WDR7: variants seen among roughly 807,000 people sequenced by gnomAD.
The protein encoded by WDR7 is WD repeat domain 7.
Under a neutral mutation model 169.4 loss-of-function variants are expected in WDR7, and 46 were observed. The ratio of observed to expected loss-of-function variants is 0.27; its 90% CI spans 0.21 to 0.35. WDR7 has a LOEUF of 0.35. Among genes scored for constraint, WDR7 ranks in the 10% least tolerant of loss-of-function variants. The probability of loss-of-function intolerance (pLI) is 1.00; values close to 1 mark genes in which losing one functional copy is unlikely to be tolerated. For synonymous variants in WDR7, 612 were observed against 666.8 expected (o/e 0.92, Z 1.27); for missense variants, 1,534 against 1,859.3 (o/e 0.83, Z 3.22).
chr18:57,014,811 A>G (rs1040029126), intron 26 of WDR7, among the ~76,000 whole-genome samples: 3 of 152,224 alleles, frequency 2.0e-5, no homozygotes, highest in African/African-American at 7.2e-5. Context: ...AAAGTTGAGA[A>G]ATAAAACCTG....
At chr18:57,016,801 CTT>C (rs144529848) in intron 26 of WDR7, among the ~76,000 whole-genome samples, 5,726 of 152,236 alleles carry the variant, frequency 0.038, 130 homozygotes, top group Non-Finnish European at 0.054. Flanking sequence ...GTTCAACACT[CTT>C]ATCTCCTGCT....
intron 22 of WDR7, among the ~76,000 whole-genome samples, chr18:56,926,950 C>T (rs368689734): frequency 1.3e-5 from 2 of 152,016 alleles, no homozygotes; most frequent in African/African-American, 4.8e-5. Flanking sequence ...GTTGGGCTGC[C>T]CCTTTTTGTG....
intron 21 of WDR7, among the ~76,000 whole-genome samples, chr18:56,882,252 T>C (rs886905493): frequency 6.6e-6 from 1 of 152,242 alleles, no homozygotes; most frequent in Non-Finnish European, 1.5e-5. Context: ...ACTTAACATA[T>C]GTAGAGCAGG....
intron 12 of WDR7, among the ~76,000 whole-genome samples, chr18:56,700,586 T>C (rs1158171679): frequency 5.1e-5 from 3 of 59,152 alleles, no homozygotes; most frequent in Non-Finnish European, 1.1e-4. Context: ...TTTTTTTTTT[T>C]TGAGACGGAG....
At chr18:56,683,097 G>A (rs144299183) in intron 5 of WDR7, among the ~76,000 whole-genome samples, 331 of 152,272 alleles carry the variant, frequency 2.2e-3, no homozygotes, top group African/African-American at 7.6e-3. Context: ...CAGAGTATAT[G>A]GGTGATTATC....
At chr18:56,879,078 G>A (rs1436280519) in intron 20 of WDR7, among the ~76,000 whole-genome samples, 3 of 152,154 alleles carry the variant, frequency 2.0e-5, no homozygotes, top group Non-Finnish European at 4.4e-5. Flanking sequence ...TTTGAATAAT[G>A]CTGCTGTGAG....
rs2025347051 is a variant in WDR7, at chr18:56,681,360, C to G, written c.314C>G (p.Thr105Arg). 6.3e-7 allele frequency: 1 copy of G among 1,595,440 alleles called. No individual in the cohort carries two copies. The highest frequency in any genetic ancestry group is 1.4e-5 in the African/African-American group (1 of 73,676). The part of the protein sequence containing the change: ...DVSDGRCIEF[T>R]KLACTHTGIQ... ...AGTGATGGCAGATGTATTGAATTTA[C>G]AAAATTAGCTTGCACACATACTGGC... Residue 105 changes from threonine (T) to arginine (R), a missense_variant, in exon 4 of 28, where the codon ACA becomes AGA. Transcript: ENST00000254442.
At chr18:56,871,150 T>C (rs2045947336) in intron 20 of WDR7, among the ~76,000 whole-genome samples, 1 of 152,196 alleles carries the variant, frequency 6.6e-6, no homozygotes, top group Admixed American at 6.5e-5. Context: ...TTTGACTATA[T>C]GCAGACATTG....
chr18:56,938,808 A>AGTGCGTGT, intron 24 of WDR7, 126 bp downstream of exon 24: 1 of 660,564 alleles, frequency 1.5e-6, no homozygotes. Flanking sequence ...AGAAAGAATG[A>AGTGCGTGT]GTGTGTGTGT....
chr18:56,794,377 T>TTGGCTCAA (rs2044548198), intron 19 of WDR7, among the ~76,000 whole-genome samples: 2 of 138,776 alleles, frequency 1.4e-5, no homozygotes, highest in Non-Finnish European at 3.1e-5. Flanking sequence ...TGGCGTGATC[T>TTGGCTCAA]TGGCTCAATG....
intron 20 of WDR7, among the ~76,000 whole-genome samples, chr18:56,868,151 G>A (rs542837142): frequency 2.0e-5 from 3 of 152,052 alleles, no homozygotes; most frequent in South Asian, 4.1e-4. Flanking sequence ...AAAAAATAAC[G>A]TAAAATAAGG....
chr18:56,806,447 CAT>C (rs1390357188), intron 19 of WDR7, among the ~76,000 whole-genome samples: 6 of 152,180 alleles, frequency 3.9e-5, no homozygotes, highest in East Asian at 1.9e-4. Flanking sequence ...TTCTGTAAAA[CAT>C]GTGGACATGT....
At chr18:56,687,609 AC>A (rs1163320597) in intron 7 of WDR7, among the ~76,000 whole-genome samples, 1 of 152,126 alleles carries the variant, frequency 6.6e-6, no homozygotes, top group African/African-American at 2.4e-5. Flanking sequence ...ATGTTTTATC[AC>A]CCAGGTTCTT....
At chr18:56,905,383 A>C (rs1568259237) in intron 21 of WDR7, among the ~76,000 whole-genome samples, 1 of 152,096 alleles carries the variant, frequency 6.6e-6, no homozygotes, top group Non-Finnish European at 1.5e-5. Context: ...TCCTGGCCTC[A>C]AGTGATCTGC....
chr18:56,740,822 T>C (rs2043609685), intron 14 of WDR7, among the ~76,000 whole-genome samples: 1 of 152,190 alleles, frequency 6.6e-6, no homozygotes, highest in Non-Finnish European at 1.5e-5. Context: ...CTTCAGTATT[T>C]GGCATTTAAC....
intron 25 of WDR7, among the ~76,000 whole-genome samples, chr18:56,956,689 C>A (rs2047255180): frequency 6.6e-6 from 1 of 152,082 alleles, no homozygotes; most frequent in African/African-American, 2.4e-5. Context: ...CAAATCTTTC[C>A]TGTGGTTTAT....
chr18:56,846,780 G>A (rs557059079), intron 20 of WDR7, among the ~76,000 whole-genome samples: 1 of 152,148 alleles, frequency 6.6e-6, no homozygotes, highest in African/African-American at 2.4e-5. Flanking sequence ...TGCCATGATT[G>A]TAAGTTTCCT....
At chr18:56,716,257 T>G (rs917465584) in intron 12 of WDR7, among the ~76,000 whole-genome samples, 3 of 152,174 alleles carry the variant, frequency 2.0e-5, no homozygotes, top group Non-Finnish European at 4.4e-5. Flanking sequence ...GGAAAATAAG[T>G]AAGCTTAAAA....
intron 20 of WDR7, among the ~76,000 whole-genome samples, chr18:56,819,474 T>G (rs2045046616): frequency 6.6e-6 from 1 of 152,208 alleles, no homozygotes; most frequent in Non-Finnish European, 1.5e-5. Context: ...ATACTCAGTT[T>G]TACTTAGCGT....
Sources: gnomAD v4.1 joint callset for allele counts (sites outside exome capture counted in the v4.1 genomes callset) on GRCh38, gnomAD v4.1.1 for gene constraint, MANE v1.5 for transcripts, NCBI Gene and HGNC (gene_info 2026-07-23, HGNC 2026-07-21) for gene names.